Variants in CCNY observed in about 807,000 individuals in gnomAD.
CCNY encodes the protein cyclin-Y.
Under a neutral mutation model 42.8 loss-of-function variants are expected in CCNY, and 19 were observed. The ratio of observed to expected loss-of-function variants is 0.44; its 90% CI spans 0.31 to 0.65. The LOEUF is 0.65. CCNY is among the 30% of genes least tolerant of loss of function. The pLI, the probability that CCNY is intolerant of heterozygous loss-of-function variation, is 0.07. For missense variants in CCNY, 370 were observed against 437.3 expected, an observed-to-expected ratio of 0.85 and a Z score of 1.37; for synonymous variants, 165 against 162.7, an observed-to-expected ratio of 1.01 and a Z score of -0.11.
At chr10:35,253,533 C>CTTT (rs1313090944) in intron 3 of CCNY, among the ~76,000 whole-genome samples, 1 of 150,212 alleles carries the variant, frequency 6.7e-6, no homozygotes, top group Non-Finnish European at 1.5e-5. Flanking sequence ...CCACCTTGAC[C>CTTT]TCCTAAAGCA....
chr10:35,286,681 G>T (rs1434993008), intron 3 of CCNY, among the ~76,000 whole-genome samples: 1 of 122,576 alleles, frequency 8.2e-6, no homozygotes, highest in East Asian at 2.4e-4. Context: ...TTTTTGAGAT[G>T]GAGTGTCTCG....
intron 3 of CCNY, among the ~76,000 whole-genome samples, chr10:35,513,816 G>A (rs1840370283): frequency 6.6e-6 from 1 of 152,190 alleles, no homozygotes; most frequent in Admixed American, 6.5e-5. Context: ...GGGAGGGTCT[G>A]TGTGTGCATG....
chr10:35,323,171 T>C (rs1835840762), intron 3 of CCNY, among the ~76,000 whole-genome samples: 2 of 152,172 alleles, frequency 1.3e-5, no homozygotes, highest in Admixed American at 1.3e-4. Flanking sequence ...TCAGGTGATC[T>C]GCCCGCCTCG....
In CCNY at chr10:35,377,945, A is replaced by G. The variant is rs1837090923; in HGVS notation, c.154+40738A>G. Among the ~76,000 whole-genome samples the G allele has an allele frequency of 2.0e-5, 3 of 152,320 alleles. No individual in the cohort carries two copies. In the South Asian group the frequency reaches 6.2e-4, roughly 32 times the overall value. ...TGCTTTGTGAAAGTATGTGAAGAAA[A>G]TTCAGCCTTACACAGATGTGATTGG... On this transcript the variant is annotated intron_variant, in intron 1 of 9. Coordinates refer to ENST00000374704, the MANE Select transcript of CCNY (RefSeq NM_145012.6).
At chr10:35,366,886 A>G (rs750662107) in intron 1 of CCNY, among the ~76,000 whole-genome samples, 14 of 152,384 alleles carry the variant, frequency 9.2e-5, no homozygotes, top group Middle Eastern at 6.8e-3. Flanking sequence ...GTGTGGCTAG[A>G]GTCTTCTGTA....
intron 1 of CCNY, among the ~76,000 whole-genome samples, chr10:35,462,641 G>T (rs1378191516): frequency 6.6e-6 from 1 of 152,214 alleles, no homozygotes; most frequent in Non-Finnish European, 1.5e-5. Flanking sequence ...TGCTGCAGCT[G>T]CTCTCTGTGA....
At chr10:35,259,603 A>G (rs1198379204) in intron 3 of CCNY, among the ~76,000 whole-genome samples, 1 of 144,820 alleles carries the variant, frequency 6.9e-6, no homozygotes, top group Admixed American at 7.2e-5. Context: ...CCTGGGTTCA[A>G]GTGATTCTCC....
At chr10:35,309,423 T>C (rs577194324) in intron 3 of CCNY, among the ~76,000 whole-genome samples, 2 of 151,976 alleles carry the variant, frequency 1.3e-5, no homozygotes, top group Non-Finnish European at 2.9e-5. Flanking sequence ...GAGCAGTGGG[T>C]TTTTTGTTTT....
rs559598543 is a variant in CCNY, at chr10:35,505,212, A to G, written c.264+3677A>G. ...CTTTTTACCTTAGCCTCACTTTTCTATGATTATCTTCCTGCCACCTGGTGA... is the reference window on the plus strand; with the variant it reads ...CTTTTTACCTTAGCCTCACTTTTCTGTGATTATCTTCCTGCCACCTGGTGA... On this transcript the variant is annotated intron_variant, in intron 3 of 9. Coordinates refer to ENST00000374704, the MANE Select transcript of CCNY (RefSeq NM_145012.6). 9.2e-5 allele frequency among the ~76,000 whole-genome samples: 14 copies of G among 151,942 alleles called. No individual in the cohort carries two copies. In the East Asian group the frequency reaches 2.3e-3, roughly 25 times the overall value.
chr10:35,278,887 C>T (rs1220538364), intron 3 of CCNY, among the ~76,000 whole-genome samples: 1 of 152,166 alleles, frequency 6.6e-6, no homozygotes, highest in Admixed American at 6.5e-5. Context: ...TGCCTTCTGC[C>T]TCCAGCTGCC....
chr10:35,480,326 A>G (rs549854901), intron 1 of CCNY, among the ~76,000 whole-genome samples: 4 of 152,140 alleles, frequency 2.6e-5, no homozygotes, highest in African/African-American at 7.2e-5. Context: ...AGTGTGAGAC[A>G]TAATCCTGCT....
chr10:35,391,336 A>G (rs1589084534), intron 1 of CCNY, among the ~76,000 whole-genome samples: 1 of 151,998 alleles, frequency 6.6e-6, no homozygotes, highest in Non-Finnish European at 1.5e-5. Flanking sequence ...CGGGGTGAGT[A>G]GTTTGGCGGG....
intron 1 of CCNY, among the ~76,000 whole-genome samples, chr10:35,424,387 T>G (rs1838222525): frequency 6.6e-6 from 1 of 152,062 alleles, no homozygotes; most frequent in African/African-American, 2.4e-5. Context: ...CCACCACACC[T>G]GGCTAAGTTT....
At chr10:35,365,200 A>T (rs1394207831) in intron 1 of CCNY, among the ~76,000 whole-genome samples, 1 of 152,170 alleles carries the variant, frequency 6.6e-6, no homozygotes, top group Admixed American at 6.5e-5. Flanking sequence ...TCTGTAGGAC[A>T]TTGGTTATCT....
chr10:35,494,235 C>CCT (rs1018192106), intron 2 of CCNY, among the ~76,000 whole-genome samples: 1 of 3,242 alleles, frequency 3.1e-4, no homozygotes, highest in Non-Finnish European at 5.1e-3. Flanking sequence ...CATAGTGAGA[C>CCT]CCCCCCCCCC....
chr10:35,370,768 T>G (rs1230496192), intron 1 of CCNY, among the ~76,000 whole-genome samples: 1 of 151,484 alleles, frequency 6.6e-6, no homozygotes, highest in Non-Finnish European at 1.5e-5. Context: ...CAGGCTGGAG[T>G]GCAGTGGGGC....
At chr10:35,299,911 C>CT (rs34181520) in intron 3 of CCNY, among the ~76,000 whole-genome samples, 1 of 151,972 alleles carries the variant, frequency 6.6e-6, no homozygotes, top group African/African-American at 2.4e-5. Context: ...AATAACACTC[C>CT]TTTTTTAAAA....
intron 2 of CCNY, among the ~76,000 whole-genome samples, chr10:35,499,208 A>T (rs1428145948): frequency 6.6e-6 from 1 of 152,174 alleles, no homozygotes; most frequent in Non-Finnish European, 1.5e-5. Context: ...GGCAGTTTAC[A>T]AAAGAGGTTT....
At chr10:35,548,556 G>A (rs943128763) in intron 7 of CCNY, among the ~76,000 whole-genome samples, 1 of 151,984 alleles carries the variant, frequency 6.6e-6, no homozygotes, top group Non-Finnish European at 1.5e-5. Flanking sequence ...TTGGCCTCCC[G>A]ACGTGCTGGG....
Sources: allele counts gnomAD v4.1 joint callset (sites outside exome capture counted in the v4.1 genomes callset), GRCh38; gene constraint gnomAD v4.1.1; transcripts MANE v1.5; gene names NCBI Gene and HGNC (gene_info 2026-07-23, HGNC 2026-07-21).